Variants in CNIH3 observed in about 807,000 individuals in gnomAD.
The protein encoded by CNIH3 is protein cornichon homolog 3.
CNIH3 carries 14 observed loss-of-function variants against 24.1 expected under a neutral mutation model. The observed-to-expected ratio is 0.58, with a 90% CI of 0.38 to 0.91. The LOEUF (loss-of-function observed/expected upper bound fraction) is 0.91, where lower values mean the gene tolerates loss of function less well. Among genes scored for constraint, CNIH3 ranks in the 40% least tolerant of loss-of-function variants. The pLI, the probability that CNIH3 is intolerant of heterozygous loss-of-function variation, is 0.00. For missense variants in CNIH3, 178 were observed against 196.8 expected, an observed-to-expected ratio of 0.90 and a Z score of 0.57; for synonymous variants, 68 against 73.8, an observed-to-expected ratio of 0.92 and a Z score of 0.40.
chr1:224,597,013 G>A (rs551509956), intron 3 of CNIH3, among the ~76,000 whole-genome samples: 3 of 152,142 alleles, frequency 2.0e-5, no homozygotes, highest in Non-Finnish European at 2.9e-5. Context: ...TTAGCCAGGC[G>A]TGGTGGTGCA....
intron 3 of CNIH3, among the ~76,000 whole-genome samples, chr1:224,595,561 G>C (rs1681944834): frequency 1.3e-5 from 2 of 152,174 alleles, no homozygotes; most frequent in Admixed American, 1.3e-4. Context: ...AATAGCCCCT[G>C]AGTGGTCAAG....
intron 1 of CNIH3, among the ~76,000 whole-genome samples, chr1:224,675,132 A>AG (rs1418781775): frequency 6.6e-6 from 1 of 152,190 alleles, no homozygotes; most frequent in Non-Finnish European, 1.5e-5. Flanking sequence ...AAGTCTGGTG[A>AG]GAAAAAAAGC....
intron 3 of CNIH3, among the ~76,000 whole-genome samples, chr1:224,701,059 C>T (rs1283665314): frequency 6.6e-6 from 1 of 152,116 alleles, no homozygotes; most frequent in African/African-American, 2.4e-5. Flanking sequence ...CATGCTGGGG[C>T]TGAAGGAAGT....
At chr1:224,690,675 G>A (rs1686886909) in intron 3 of CNIH3, among the ~76,000 whole-genome samples, 1 of 152,214 alleles carries the variant, frequency 6.6e-6, no homozygotes, top group Non-Finnish European at 1.5e-5. Flanking sequence ...CCCACTGCAG[G>A]TTTTCCCTGA....
chr1:224,486,283 G>GT lies in CNIH3; in HGVS notation n.204-29448dup, dbSNP rs148469356. On this transcript the variant is annotated intron_variant and non_coding_transcript_variant, in intron 1 of 5. Coordinates refer to the CNIH3 transcript ENST00000471578. The stretch of plus-strand genomic sequence containing the variant: ...ACCATGCCCAGCTAATTTTTGTGGG[G>GT]TTTTTTTTTTGTGGAGATAGGGCCT... Among the ~76,000 whole-genome samples, 604 of 146,880 alleles carry GT rather than the reference G, an allele frequency of 4.1e-3. 4 individuals are homozygous for GT. The highest frequency in any genetic ancestry group is 0.014 in the Middle Eastern group (4 of 288).
At chr1:224,658,827 T>A (rs1685215803) in intron 1 of CNIH3, among the ~76,000 whole-genome samples, 1 of 152,166 alleles carries the variant, frequency 6.6e-6, no homozygotes, top group African/African-American at 2.4e-5. Context: ...TTTACCTCTG[T>A]ATAGTGTATT....
rs943874397 is a variant in CNIH3, at chr1:224,458,734, A to G, written n.203+23872A>G. ...TTTTGTCTTGCTTGGATCCACCCAC[A>G]TACCCAAATCACCATGGGTATCAGA... On this transcript the variant is annotated intron_variant and non_coding_transcript_variant, in intron 1 of 5. Coordinates refer to the CNIH3 transcript ENST00000471578. The surrounding 1 kb of genome is among the most constrained non-coding windows in gnomAD (Gnocchi z 4.3). 1.3e-4 allele frequency among the ~76,000 whole-genome samples: 20 copies of G among 152,188 alleles called. No individual in the cohort carries two copies. The highest frequency in any genetic ancestry group is 4.8e-4 in the African/African-American group (20 of 41,446).
At chr1:224,701,606 C>T (rs977128199) in intron 3 of CNIH3, among the ~76,000 whole-genome samples, 3 of 152,144 alleles carry the variant, frequency 2.0e-5, no homozygotes, top group African/African-American at 7.2e-5. Context: ...GGGAGATGAA[C>T]ATTCAGCTCG....
At chr1:224,675,400 T>C (rs1686089900) in intron 1 of CNIH3, among the ~76,000 whole-genome samples, 1 of 152,192 alleles carries the variant, frequency 6.6e-6, no homozygotes, top group South Asian at 2.1e-4. Context: ...ATCTTAGAAG[T>C]TCTTAGATTC....
intron 1 of CNIH3, among the ~76,000 whole-genome samples, chr1:224,674,505 G>A (rs748767116): frequency 2.0e-5 from 3 of 151,996 alleles, no homozygotes; most frequent in Non-Finnish European, 2.9e-5. Flanking sequence ...TGGAATCCAG[G>A]CAGTCTAGAC....
At chr1:224,563,907 A>G (rs1680476628) in intron 3 of CNIH3, among the ~76,000 whole-genome samples, 2 of 152,224 alleles carry the variant, frequency 1.3e-5, no homozygotes, top group South Asian at 4.1e-4. Flanking sequence ...TGGTCCCTCC[A>G]GATCTCTGCT....
chr1:224,514,313 G>A (rs1678291296), upstream of CNIH3, among the ~76,000 whole-genome samples: 1 of 152,106 alleles, frequency 6.6e-6, no homozygotes, highest in Non-Finnish European at 1.5e-5. Context: ...TAATCATAGA[G>A]TTTCAGACCT....
At chr1:224,477,982 A>G (rs890478098) in intron 1 of CNIH3, among the ~76,000 whole-genome samples, 1 of 152,154 alleles carries the variant, frequency 6.6e-6, no homozygotes, top group Non-Finnish European at 1.5e-5. Context: ...TAAATATGTC[A>G]TACCACTCTC....
At chr1:224,734,839 A>G (rs1320601516) in intron 5 of CNIH3, 133 bp downstream of exon 5, 9 of 909,212 alleles carry the variant, frequency 9.9e-6, no homozygotes, top group East Asian at 7.3e-5. Flanking sequence ...GTGTAGTCCC[A>G]GCTGTCTGAC....
intron 5 of CNIH3, among the ~76,000 whole-genome samples, chr1:224,584,888 T>C (rs1199983525): frequency 6.6e-6 from 1 of 152,174 alleles, no homozygotes; most frequent in African/African-American, 2.4e-5. Context: ...CCAAGGGACA[T>C]CTTTAGGAAT....
chr1:224,520,581 G>T (rs1162461545), intron 1 of CNIH3, among the ~76,000 whole-genome samples: 2 of 152,210 alleles, frequency 1.3e-5, no homozygotes, highest in African/African-American at 4.8e-5. Flanking sequence ...ATTGAATATT[G>T]TCAGTTTCAT....
At chr1:224,689,520 G>A (rs1004678963) in intron 3 of CNIH3, among the ~76,000 whole-genome samples, 2 of 152,104 alleles carry the variant, frequency 1.3e-5, no homozygotes, top group African/African-American at 2.4e-5. Context: ...CCTCCCTCCC[G>A]TCTCTCTCGT....
intron 1 of CNIH3, among the ~76,000 whole-genome samples, chr1:224,657,071 C>T (rs177121): frequency 0.059 from 8,950 of 152,144 alleles, 711 homozygotes; most frequent in African/African-American, 0.18. Flanking sequence ...CTTTCGGTCT[C>T]GATATGCCAG....
intron 3 of CNIH3, among the ~76,000 whole-genome samples, chr1:224,550,402 T>C (rs923211815): frequency 6.6e-6 from 1 of 152,200 alleles, no homozygotes; most frequent in Non-Finnish European, 1.5e-5. Context: ...ATTACATTAA[T>C]ATCAATGTAT....
Sources: allele counts gnomAD v4.1 joint callset (sites outside exome capture counted in the v4.1 genomes callset), GRCh38; gene constraint gnomAD v4.1.1; non-coding constraint Gnocchi (gnomAD v3.1); transcripts MANE v1.5; gene names NCBI Gene and HGNC (gene_info 2026-07-23, HGNC 2026-07-21).